The following OOEP variants were observed in gnomAD, a reference collection of about 807,000 sequenced individuals.
OOEP encodes the protein oocyte expressed protein.
A neutral mutation model predicts 13.7 loss-of-function variants in OOEP; 16 were observed. The observed-to-expected ratio is 1.16, with a 90% CI of 0.79 to 1.77. The LOEUF is 1.77. Among genes scored for constraint, OOEP ranks in the 40% most tolerant of loss-of-function variants. The probability of loss-of-function intolerance (pLI) is 0.00; values close to 1 mark genes in which losing one functional copy is unlikely to be tolerated. For synonymous variants in OOEP, 89 were observed against 77.1 expected, an observed-to-expected ratio of 1.15 and a Z score of -0.81; for missense variants, 195 against 193.1, an observed-to-expected ratio of 1.01 and a Z score of -0.06.
Position 73,369,319 on chromosome 6 carries a change from A to G in OOEP, c.257T>C (p.Val86Ala), listed in dbSNP as rs1357090225. The change falls in exon 2 of 3, where the codon GTG becomes GCG. Residue 86 changes from valine to alanine, a missense_variant. Coordinates refer to ENST00000370359, the MANE Select transcript of OOEP (RefSeq NM_001080507.3). ...TSQALLTVDIVDSGNLVEITV... is the reference protein window; with the variant it reads ...TSQALLTVDIADSGNLVEITV... ...GATTTCGACTAGGTTCCCTGAGTCC[A>G]CTATGTCCACTGTCAGCAGGGCCTG... 1 of 1,613,840 alleles carries G rather than the reference A, an allele frequency of 6.2e-7. No individual in the cohort carries two copies. The highest frequency in any genetic ancestry group is 1.1e-5 in the South Asian group (1 of 91,056).
chr6:73,369,301 A>G lies in OOEP; in HGVS notation c.275T>C (p.Val92Ala), dbSNP rs496530. 890,749 of 1,613,002 alleles carry G rather than the reference A, an allele frequency of 0.55. 248,623 individuals carry two copies. The highest frequency in any genetic ancestry group is 0.59 in the South Asian group (53,737 of 91,010). ...GGGCCGCCCGAAAACGGTGATTTCG[A>G]CTAGGTTCCCTGAGTCCACTATGTC... The part of the protein sequence containing the change: ...TVDIVDSGNL[V>A]EITVFGRPRV... Residue 92 changes from valine to alanine, a missense_variant, in exon 2 of 3, where the codon GTC becomes GCC. Val to Ala is a moderately conservative substitution (Grantham distance 64, BLOSUM62 0). Transcript: ENST00000370359.
chr6:73,372,851 C>T (rs994100440), upstream of OOEP, among the ~76,000 whole-genome samples: 6 of 151,292 alleles, frequency 4.0e-5, no homozygotes, highest in East Asian at 1.9e-4. Context: ...AGCAAACTGA[C>T]GTTTCACAGA....
At chr6:73,370,164 G>T (rs77404364), upstream of OOEP, 1,373 of 211,966 alleles carry the variant, frequency 6.5e-3, 24 homozygotes, top group African/African-American at 0.029. Context: ...TCTATTAATA[G>T]ACTGGGAATC....
chr6:73,387,953 TC>T (rs1769297343), intron 2 of OOEP, among the ~76,000 whole-genome samples: 1 of 152,178 alleles, frequency 6.6e-6, no homozygotes, highest in South Asian at 2.1e-4. Flanking sequence ...ACCTGCAACT[TC>T]CGCCTCCTGT....
Position 73,368,716 on chromosome 6 carries a change from T to G in OOEP, c.*68A>C. ...ATACGGGGATTTAAGAATGCTATAC[T>G]TGCTTTTCTTCAACTTTAGCAGCAA... On this transcript the variant is annotated 3_prime_UTR_variant, in exon 3 of 3. Transcript: ENST00000370359. 1.9e-6 allele frequency: 2 copies of G among 1,037,846 alleles called. No homozygotes were observed. Among genetic ancestry groups the G allele is most frequent in the Non-Finnish European group, 3.0e-6 (2 of 660,374 alleles). The allele number at this position is 1,037,846 out of a possible 1,614,324, so 64.3% of individuals were successfully genotyped here.
chr6:73,371,768 A>AGT (rs1769061129), upstream of OOEP, among the ~76,000 whole-genome samples: 1 of 126,198 alleles, frequency 7.9e-6, no homozygotes, highest in Non-Finnish European at 1.8e-5. Flanking sequence ...AAAAAAAATA[A>AGT]AAATAAAAAA....
intron 2 of OOEP, among the ~76,000 whole-genome samples, chr6:73,385,989 C>G (rs1187951520): frequency 2.0e-5 from 3 of 152,072 alleles, no homozygotes; most frequent in Non-Finnish European, 4.4e-5. Flanking sequence ...GCAAAGATAC[C>G]TACTTTCACT....
chr6:73,380,598 A>G (rs1259834419), intron 2 of OOEP, among the ~76,000 whole-genome samples: 1 of 152,216 alleles, frequency 6.6e-6, no homozygotes, highest in South Asian at 2.1e-4. Context: ...AAGTTCAGAA[A>G]GTAAGCAAGT....
upstream of OOEP, chr6:73,373,146 T>C (rs11539502): frequency 1.2e-6 from 2 of 1,610,148 alleles, no homozygotes; most frequent in African/African-American, 2.7e-5. Context: ...TGTCTCCTTT[T>C]GGAGTTGTAC....
chr6:73,381,519 G>A (rs923790118), intron 2 of OOEP, among the ~76,000 whole-genome samples: 1 of 152,214 alleles, frequency 6.6e-6, no homozygotes, highest in Admixed American at 6.5e-5. Flanking sequence ...GAGAAAGTTA[G>A]TCCTCACTTT....
At chr6:73,369,115 GAGA>G (rs1769002257) in intron 2 of OOEP, 88 bp downstream of exon 2, 4 of 1,366,532 alleles carry the variant, frequency 2.9e-6, no homozygotes, top group Admixed American at 4.6e-5. Flanking sequence ...AAGAAATTTT[GAGA>G]AGGTTAAGGG....
upstream of OOEP, among the ~76,000 whole-genome samples, chr6:73,370,749 T>C (rs1277472386): frequency 6.6e-6 from 1 of 152,240 alleles, no homozygotes; most frequent in Non-Finnish European, 1.5e-5. Context: ...CTGAATATAC[T>C]ATTTCGTTCT....
rs1014789474 is a variant in OOEP, at chr6:73,389,636, T to C, written c.25+4710A>G. 1.4e-4 allele frequency among the ~76,000 whole-genome samples: 20 copies of C among 146,746 alleles called. No individual in the cohort carries two copies. The East Asian group carries it at 1.4e-3, about 10-fold the overall frequency. Reference sequence around the variant, plus strand: ...AAATAACAGAACTCATAGGTGGGAATTGAACAATGAGAACACATGGACACA... The same window carrying C: ...AAATAACAGAACTCATAGGTGGGAACTGAACAATGAGAACACATGGACACA... On this transcript the variant is annotated intron_variant, in intron 2 of 3. Coordinates refer to the OOEP transcript ENST00000370363.
chr6:73,384,300 CA>C (rs1769242800), intron 2 of OOEP, among the ~76,000 whole-genome samples: 1 of 42,582 alleles, frequency 2.3e-5, no homozygotes, highest in African/African-American at 5.6e-5. Flanking sequence ...TTAGTAATGA[CA>C]ACATTTCCGA....
chr6:73,392,302 GTTTT>G (rs1199578304), intron 2 of OOEP, among the ~76,000 whole-genome samples: 1 of 152,040 alleles, frequency 6.6e-6, no homozygotes, highest in African/African-American at 2.4e-5. Flanking sequence ...TTTATTTAAT[GTTTT>G]TTTATCTTTT....
chr6:73,372,151 C>T (rs1229356781), upstream of OOEP, among the ~76,000 whole-genome samples: 2 of 152,282 alleles, frequency 1.3e-5, no homozygotes, highest in Admixed American at 1.3e-4. Context: ...ATGAGACGCA[C>T]TTACATTACT....
chr6:73,376,991 T>TA (rs143927134), intron 2 of OOEP, among the ~76,000 whole-genome samples: 1 of 152,196 alleles, frequency 6.6e-6, no homozygotes, highest in East Asian at 1.9e-4. Context: ...CCTAAAATTG[T>TA]AAAAAAATTT....
At chr6:73,389,950 C>T (rs888370979) in intron 2 of OOEP, among the ~76,000 whole-genome samples, 4 of 152,142 alleles carry the variant, frequency 2.6e-5, no homozygotes, top group Admixed American at 2.6e-4. Context: ...TTAAATCCGC[C>T]GGGCGCAGAT....
chr6:73,372,520 T>G (rs1003687772), upstream of OOEP, among the ~76,000 whole-genome samples: 17 of 152,032 alleles, frequency 1.1e-4, no homozygotes, highest in Non-Finnish European at 2.2e-4. Flanking sequence ...GATTCGCAAG[T>G]GTTGGTTTCG....
Sources: gnomAD v4.1 joint callset for allele counts (sites outside exome capture counted in the v4.1 genomes callset) on GRCh38, gnomAD v4.1.1 for gene constraint, MANE v1.5 for transcripts, NCBI Gene and HGNC (gene_info 2026-07-23, HGNC 2026-07-21) for gene names.